The following SCHIP1 variants were observed in gnomAD, a reference collection of about 807,000 sequenced individuals.
SCHIP1 encodes schwannomin-interacting protein 1.
A neutral mutation model predicts 29.7 loss-of-function variants in SCHIP1; 8 were observed. The observed-to-expected ratio is 0.27, with a 90% CI of 0.16 to 0.49. The LOEUF (loss-of-function observed/expected upper bound fraction) is 0.49, where lower values mean the gene tolerates loss of function less well. Among genes scored for constraint, SCHIP1 ranks in the 20% least tolerant of loss-of-function variants. The pLI is 0.99. For synonymous variants in SCHIP1, 76 were observed against 94.9 expected (o/e 0.80, Z 1.16); for missense variants, 193 against 294.6 (o/e 0.66, Z 2.52).
At chr3:159,702,913 C>A in the SCHIP1 span, among the ~76,000 whole-genome samples, 1 of 152,218 alleles carries the variant, frequency 6.6e-6, no homozygotes, top group African/African-American at 2.4e-5. Context: ...ACAAGTAGAC[C>A]TATCAGTTAA....
At chr3:159,716,771 C>T in the SCHIP1 span, among the ~76,000 whole-genome samples, 1 of 152,170 alleles carries the variant, frequency 6.6e-6, no homozygotes, top group Non-Finnish European at 1.5e-5. Context: ...GAGACTTAGA[C>T]TCCCACACAA....
the SCHIP1 span, among the ~76,000 whole-genome samples, chr3:159,527,770 G>A: frequency 6.6e-6 from 1 of 152,042 alleles, no homozygotes; most frequent in Non-Finnish European, 1.5e-5. Flanking sequence ...GGTTTTAATT[G>A]AGGAGGGTAA....
the SCHIP1 span, among the ~76,000 whole-genome samples, chr3:159,591,989 CAA>C: frequency 3.3e-5 from 4 of 120,926 alleles, no homozygotes; most frequent in South Asian, 2.5e-4. Context: ...AGAAGACCCT[CAA>C]AAAAAAAAAA....
chr3:159,583,528 T>C, the SCHIP1 span, among the ~76,000 whole-genome samples: 4 of 152,186 alleles, frequency 2.6e-5, no homozygotes, highest in African/African-American at 9.6e-5. Context: ...GGATAGTGTA[T>C]AGTCACTTTG....
the SCHIP1 span, among the ~76,000 whole-genome samples, chr3:159,545,664 A>C: frequency 6.8e-6 from 1 of 147,874 alleles, no homozygotes; most frequent in East Asian, 1.9e-4. Context: ...CAAGATATAT[A>C]TGTATATAAT....
chr3:159,452,987 A>G, the SCHIP1 span, among the ~76,000 whole-genome samples: 1 of 152,230 alleles, frequency 6.6e-6, no homozygotes, highest in Non-Finnish European at 1.5e-5. Flanking sequence ...ACCATGCCAC[A>G]TGGAGCTGGC....
At chr3:159,333,066 A>G in the SCHIP1 span, among the ~76,000 whole-genome samples, 2 of 152,214 alleles carry the variant, frequency 1.3e-5, no homozygotes, top group African/African-American at 4.8e-5. Flanking sequence ...TTACTTTTCA[A>G]ATAAATCATG....
the SCHIP1 span, among the ~76,000 whole-genome samples, chr3:159,691,451 G>T: frequency 6.6e-5 from 8 of 120,632 alleles, no homozygotes; most frequent in Admixed American, 9.2e-5. Flanking sequence ...CCATTTGCTT[G>T]GTAAATATTC....
chr3:159,589,025 A>T, the SCHIP1 span, among the ~76,000 whole-genome samples: 1 of 152,074 alleles, frequency 6.6e-6, no homozygotes, highest in African/African-American at 2.4e-5. Flanking sequence ...CTTGGTGGGG[A>T]TGGTACTGAA....
chr3:159,587,759 G>A, the SCHIP1 span, among the ~76,000 whole-genome samples: 10 of 152,056 alleles, frequency 6.6e-5, no homozygotes, highest in African/African-American at 9.7e-5. Flanking sequence ...GAGAATGATG[G>A]TTTCCAGCTT....
At chr3:159,785,255 A>G in the SCHIP1 span, among the ~76,000 whole-genome samples, 2 of 152,232 alleles carry the variant, frequency 1.3e-5, no homozygotes, top group African/African-American at 2.4e-5. Flanking sequence ...CTGTTAAAAA[A>G]TCATGATTAA....
chr3:159,739,212 A>G, the SCHIP1 span, among the ~76,000 whole-genome samples: 1 of 152,202 alleles, frequency 6.6e-6, no homozygotes, highest in African/African-American at 2.4e-5. Flanking sequence ...GTCTGTATTG[A>G]GAAATCCTAA....
At chr3:159,569,995 C>T in the SCHIP1 span, among the ~76,000 whole-genome samples, 14 of 152,130 alleles carry the variant, frequency 9.2e-5, no homozygotes, top group South Asian at 2.1e-4. Context: ...TCATATCCTT[C>T]GCCGACTTTT....
At chr3:159,511,916 A>G in the SCHIP1 span, among the ~76,000 whole-genome samples, 1 of 152,230 alleles carries the variant, frequency 6.6e-6, no homozygotes, top group Non-Finnish European at 1.5e-5. Flanking sequence ...GTAGTTGAAT[A>G]TATTTATGAA....
chr3:159,278,252 C>G, the SCHIP1 span, among the ~76,000 whole-genome samples: 1 of 152,046 alleles, frequency 6.6e-6, no homozygotes, highest in Non-Finnish European at 1.5e-5. Context: ...GAGAAACCAC[C>G]CACTTGAAAA....
At chr3:159,811,038 T>C in the SCHIP1 span, among the ~76,000 whole-genome samples, 13 of 152,258 alleles carry the variant, frequency 8.5e-5, no homozygotes, top group Non-Finnish European at 1.6e-4. Flanking sequence ...AGTTTTAATT[T>C]TCATTTACCT....
At chr3:159,325,926 T>C in the SCHIP1 span, among the ~76,000 whole-genome samples, 1 of 152,142 alleles carries the variant, frequency 6.6e-6, no homozygotes, top group East Asian at 1.9e-4. Context: ...TTTTTACAGC[T>C]AAAATGCCTA....
At chr3:159,710,679 A>C in the SCHIP1 span, among the ~76,000 whole-genome samples, 1 of 152,370 alleles carries the variant, frequency 6.6e-6, no homozygotes, top group Non-Finnish European at 1.5e-5. Flanking sequence ...TCAATAAGAA[A>C]CAAAAATTAA....
At chr3:159,579,971 C>T in the SCHIP1 span, among the ~76,000 whole-genome samples, 1 of 152,130 alleles carries the variant, frequency 6.6e-6, no homozygotes, top group Non-Finnish European at 1.5e-5. Context: ...CTATCTTCAA[C>T]ACAAAATAAC....
Sources: allele counts gnomAD v4.1 joint callset (sites outside exome capture counted in the v4.1 genomes callset), GRCh38; gene constraint gnomAD v4.1.1; transcripts MANE v1.5; gene names NCBI Gene and HGNC (gene_info 2026-07-23, HGNC 2026-07-21).